The following EFCAB7 variants were observed in gnomAD, a reference collection of about 807,000 sequenced individuals.
EFCAB7 encodes EF-hand calcium binding domain 7, also known as EF-hand calcium-binding domain-containing protein 7.
In EFCAB7, 66 loss-of-function variants were observed where a neutral mutation model predicts 77.1. That is an observed-to-expected ratio of 0.86 (90% CI 0.70 to 1.05). The LOEUF (loss-of-function observed/expected upper bound fraction) is 1.05. EFCAB7 is among the 50% of genes least tolerant of loss of function. The probability of loss-of-function intolerance (pLI) is 0.00; values close to 1 mark genes in which losing one functional copy is unlikely to be tolerated. For synonymous variants in EFCAB7, 225 were observed against 243.3 expected (o/e 0.92, Z 0.70); for missense variants, 638 against 730.5 (o/e 0.87, Z 1.46).
At chr1:63,544,824 A>G (rs909445004) in intron 6 of EFCAB7, among the ~76,000 whole-genome samples, 2 of 151,936 alleles carry the variant, frequency 1.3e-5, no homozygotes, top group African/African-American at 4.8e-5. Flanking sequence ...GCAATCCTTA[A>G]TTCTTCCTTC....
At chr1:63,564,891 A>G (rs1479445590) in intron 11 of EFCAB7, among the ~76,000 whole-genome samples, 3 of 152,180 alleles carry the variant, frequency 2.0e-5, no homozygotes, top group African/African-American at 7.2e-5. Context: ...AGAATAGAGC[A>G]CTCAGAAATA....
chr1:63,545,991 A>G lies in EFCAB7; in HGVS notation c.880A>G (p.Met294Val), dbSNP rs368083901. 3.5e-5 allele frequency: 56 copies of G among 1,613,798 alleles called. No homozygotes were observed. The African/African-American group carries it at 6.3e-4, about 18-fold the overall frequency. ...DGEIISHQYRMQIAQRSMVYL... is the reference protein window; with the variant it reads ...DGEIISHQYRVQIAQRSMVYL... ...TGAAATCATTAGTCATCAGTACAGG[A>G]TGCAAATAGCTCAGAGGTCCATGGT... The change falls in exon 7 of 14, where the codon ATG becomes GTG. Residue 294 changes from methionine to valine, a missense_variant. Transcript: ENST00000371088.
rs577926908 is a variant in EFCAB7, at chr1:63,535,889, G to A, written c.804+1673G>A. On this transcript the variant is annotated intron_variant, in intron 6 of 13. Coordinates refer to ENST00000371088, the MANE Select transcript of EFCAB7 (RefSeq NM_032437.4). ...AATCTACTGTTGTGTTATATATAGAGACCTCAGAGACACCATCTAAGAGGC... is the reference window on the plus strand; with the variant it reads ...AATCTACTGTTGTGTTATATATAGAAACCTCAGAGACACCATCTAAGAGGC... 4.6e-5 allele frequency among the ~76,000 whole-genome samples: 7 copies of A among 152,160 alleles called. No homozygotes were observed. The South Asian group carries it at 1.5e-3, about 32-fold the overall frequency.
intron 6 of EFCAB7, among the ~76,000 whole-genome samples, chr1:63,537,036 C>T (rs1472900554): frequency 6.6e-6 from 1 of 152,060 alleles, no homozygotes; most frequent in East Asian, 1.9e-4. Flanking sequence ...TGTTTTAAAC[C>T]ACAAAACCAC....
chr1:63,576,296 A>G (rs1220729544), downstream of EFCAB7, among the ~76,000 whole-genome samples: 1 of 142,398 alleles, frequency 7.0e-6, no homozygotes, highest in African/African-American at 2.6e-5. Context: ...CCTGGCCAAC[A>G]TGGTGAAACT....
chr1:63,567,957 T>A (rs1057361050), intron 11 of EFCAB7, among the ~76,000 whole-genome samples: 1 of 152,236 alleles, frequency 6.6e-6, no homozygotes, highest in Admixed American at 6.5e-5. Flanking sequence ...AAACCTTTGA[T>A]GAATTCTTTC....
intron 12 of EFCAB7, chr1:63,570,094 A>G (rs1395160770): frequency 1.3e-5 from 2 of 152,214 alleles, no homozygotes; most frequent in African/African-American, 4.8e-5. Context: ...ACCCTATGAC[A>G]TAAGTGCTAT....
chr1:63,567,195 G>A (rs1647181529), intron 11 of EFCAB7, among the ~76,000 whole-genome samples: 1 of 152,194 alleles, frequency 6.6e-6, no homozygotes, highest in South Asian at 2.1e-4. Context: ...GCTCACGCCT[G>A]TAATCCCAGC....
Position 63,534,209 on chromosome 1 carries a change from T to C in EFCAB7, c.797T>C (p.Leu266Ser). Residue 266 changes from leucine (L) to serine (S), a missense_variant, in exon 6 of 14, where the codon TTA becomes TCA. Physicochemically the swap from Leu to Ser is moderately radical, Grantham distance 145. Coordinates refer to ENST00000371088, the MANE Select transcript of EFCAB7 (RefSeq NM_032437.4). Reference sequence around the variant, plus strand: ...AACTCAAAGTTAATGGAGCCAAATTTAATAAAGGTATAGTATTTTAAGTTA... The same window carrying C: ...AACTCAAAGTTAATGGAGCCAAATTCAATAAAGGTATAGTATTTTAAGTTA... ...NRNSKLMEPN[L>S]IKDWQHMQSK... is the part of the protein sequence containing the mutation. 6.2e-7 allele frequency: 1 copy of C among 1,612,120 alleles called. No homozygotes were observed.
chr1:63,582,387 A>C, the EFCAB7 span, among the ~76,000 whole-genome samples: 3 of 152,316 alleles, frequency 2.0e-5, no homozygotes, highest in Non-Finnish European at 4.4e-5. Context: ...TAAATTAAGA[A>C]AACATAAGGA....
chr1:63,549,813 G>A (rs1387760667), intron 7 of EFCAB7: 1 of 169,528 alleles, frequency 5.9e-6, no homozygotes, highest in East Asian at 1.8e-4. Context: ...TACTGTGAAA[G>A]ATGACAAGTT....
At chr1:63,563,659 T>C (rs1371809621) in intron 11 of EFCAB7, among the ~76,000 whole-genome samples, 3 of 152,240 alleles carry the variant, frequency 2.0e-5, no homozygotes, top group African/African-American at 7.2e-5. Flanking sequence ...CTAACATAAG[T>C]GTGTTAATTG....
chr1:63,553,806 G>T (rs1411087536), intron 8 of EFCAB7, among the ~76,000 whole-genome samples: 1 of 151,986 alleles, frequency 6.6e-6, no homozygotes, highest in Non-Finnish European at 1.5e-5. Context: ...TCTCCAGAAT[G>T]ACCTAAAATA....
In EFCAB7 at chr1:63,565,370, C is replaced by A. The variant is rs528117501; in HGVS notation, c.1498-2940C>A. ...CGAGACTCCGTCTCAAAAAAAAAAA[C>A]AACAACAACAAAAAAATTTTAAGAT... On this transcript the variant is annotated intron_variant, in intron 11 of 13. Coordinates refer to ENST00000371088, the MANE Select transcript of EFCAB7 (RefSeq NM_032437.4). Among the ~76,000 whole-genome samples the A allele has an allele frequency of 8.5e-3, 1,125 of 132,288 alleles. 11 individuals carry two copies. Among genetic ancestry groups the A allele is most frequent in the African/African-American group, 0.026 (1,011 of 38,568 alleles). 86.8% of individuals were successfully genotyped at this position (132,288 alleles called of 152,430 possible).
intron 7 of EFCAB7, chr1:63,549,656 C>CT (rs1430636016): frequency 5.5e-6 from 2 of 364,552 alleles, no homozygotes; most frequent in Non-Finnish European, 1.1e-5. Flanking sequence ...AAATAAGAGA[C>CT]TATCATCAAT....
In EFCAB7 at chr1:63,525,773, A is replaced by G. The variant is rs748169466; in HGVS notation, c.187+14A>G. ...AACTTTACTTAGGTAAATTTTTAAAATTTTTAAATCTTTCACCTTTTTGTT... is the reference window on the plus strand; with the variant it reads ...AACTTTACTTAGGTAAATTTTTAAAGTTTTTAAATCTTTCACCTTTTTGTT... On this transcript the variant is annotated intron_variant, in intron 2 of 13. Transcript: ENST00000371088. 1.1e-4 allele frequency: 160 copies of G among 1,517,752 alleles called. 1 individual carries two copies. The highest frequency in any genetic ancestry group is 1.2e-4 in the Non-Finnish European group (135 of 1,136,468). The allele number at this position is 1,517,752 out of a possible 1,614,324, so 94.0% of individuals were successfully genotyped here.
intron 10 of EFCAB7, among the ~76,000 whole-genome samples, chr1:63,559,436 C>T (rs113395624): frequency 1.3e-5 from 2 of 151,382 alleles, no homozygotes; most frequent in African/African-American, 4.9e-5. Flanking sequence ...GATACATAAT[C>T]ATTAACTAAA....
the EFCAB7 span, among the ~76,000 whole-genome samples, chr1:63,585,163 T>A: frequency 1.3e-5 from 2 of 151,852 alleles, no homozygotes; most frequent in Non-Finnish European, 2.9e-5. Flanking sequence ...TTTTTTTTTT[T>A]AATACAAATT....
chr1:63,562,492 T>A (rs1164357096), intron 11 of EFCAB7, among the ~76,000 whole-genome samples: 10 of 106,112 alleles, frequency 9.4e-5, no homozygotes, highest in African/African-American at 3.9e-4. Context: ...TATATATATA[T>A]ATAAAACTTT....
Sources: allele counts gnomAD v4.1 joint callset (sites outside exome capture counted in the v4.1 genomes callset), GRCh38; gene constraint gnomAD v4.1.1; transcripts MANE v1.5; gene names NCBI Gene and HGNC (gene_info 2026-07-23, HGNC 2026-07-21).